The following EPHB1 variants were observed in gnomAD, a reference collection of about 807,000 sequenced individuals.
EPHB1 encodes the protein EPH receptor B1, also known as ephrin type-B receptor 1.
EPHB1 carries 30 observed loss-of-function variants against 94.4 expected under a neutral mutation model. The observed-to-expected ratio is 0.32, with a 90% CI of 0.24 to 0.43. The LOEUF (loss-of-function observed/expected upper bound fraction) is 0.43, where lower values mean the gene tolerates loss of function less well. Among genes scored for constraint, EPHB1 ranks in the 20% least tolerant of loss-of-function variants. The pLI is 1.00. For missense variants in EPHB1, 1,055 were observed against 1,308.3 expected, an observed-to-expected ratio of 0.81 and a Z score of 2.99; for synonymous variants, 522 against 489.1, an observed-to-expected ratio of 1.07 and a Z score of -0.89.
At chr3:134,956,419 T>A (rs1356488534) in intron 3 of EPHB1, among the ~76,000 whole-genome samples, 2 of 152,086 alleles carry the variant, frequency 1.3e-5, no homozygotes, top group Non-Finnish European at 2.9e-5. Flanking sequence ...AAAATGACAA[T>A]GCTATGCATA....
chr3:134,847,755 A>G (rs1465238997), intron 1 of EPHB1, among the ~76,000 whole-genome samples: 2 of 152,200 alleles, frequency 1.3e-5, no homozygotes, highest in Non-Finnish European at 2.9e-5. Context: ...CAGAGCAGAA[A>G]TCGCATATGT....
At chr3:135,018,729 A>T (rs1935888880) in intron 3 of EPHB1, among the ~76,000 whole-genome samples, 1 of 152,202 alleles carries the variant, frequency 6.6e-6, no homozygotes, top group African/African-American at 2.4e-5. Context: ...GCAGGACACA[A>T]ACAGTGTCTC....
At chr3:134,800,125 C>A (rs907242111) in intron 1 of EPHB1, among the ~76,000 whole-genome samples, 7 of 152,034 alleles carry the variant, frequency 4.6e-5, no homozygotes, top group Non-Finnish European at 1.5e-5. Flanking sequence ...GAGTACTCCA[C>A]CTGCCTTTTC....
In EPHB1 at chr3:134,826,251, C is replaced by CAA. The variant is rs34084951; in HGVS notation, c.58+30577_58+30578dup. Among the ~76,000 whole-genome samples the CAA allele has an allele frequency of 3.1e-3, 364 of 119,008 alleles. 8 individuals carry two copies. Among genetic ancestry groups the CAA allele is most frequent in the African/African-American group, 0.011 (308 of 28,768 alleles). The allele number at this position is 119,008 out of a possible 152,430, so 78.1% of individuals were successfully genotyped here. On this transcript the variant is annotated intron_variant, in intron 1 of 15. Transcript: ENST00000398015. ...TGGATGACAGAGTGAGACTCCATCT[C>CAA]AAAAAAAAAAAAAAAAGCAATTGAA... is the stretch of plus-strand genomic sequence containing the variant.
intron 3 of EPHB1, among the ~76,000 whole-genome samples, chr3:135,001,036 G>A (rs113805007): frequency 1.1e-4 from 17 of 152,120 alleles, no homozygotes; most frequent in African/African-American, 3.6e-4. Context: ...CAGCTGGCTC[G>A]GAGCAGACAC....
intron 10 of EPHB1, among the ~76,000 whole-genome samples, chr3:135,188,002 C>G (rs1942370568): frequency 6.6e-6 from 1 of 151,974 alleles, no homozygotes; most frequent in Non-Finnish European, 1.5e-5. Flanking sequence ...AGTTCGAGAC[C>G]AGCCTGGCCA....
At chr3:135,218,583 C>T (rs1047589181) in intron 12 of EPHB1, among the ~76,000 whole-genome samples, 1 of 152,190 alleles carries the variant, frequency 6.6e-6, no homozygotes, top group African/African-American at 2.4e-5. Context: ...TATGCAAAGC[C>T]CTCTTCCTCA....
At chr3:135,096,956 T>A (rs1938804519) in intron 3 of EPHB1, among the ~76,000 whole-genome samples, 1 of 151,892 alleles carries the variant, frequency 6.6e-6, no homozygotes, top group African/African-American at 2.4e-5. Context: ...GTTAGCCAGG[T>A]GTGGTGACAC....
intron 3 of EPHB1, among the ~76,000 whole-genome samples, chr3:135,093,360 G>A (rs766131773): frequency 1.3e-5 from 2 of 152,104 alleles, no homozygotes. Flanking sequence ...CTCACTTCTC[G>A]CCTTCTTGCC....
At chr3:135,109,462 T>G (rs1016352537) in intron 4 of EPHB1, among the ~76,000 whole-genome samples, 1 of 152,234 alleles carries the variant, frequency 6.6e-6, no homozygotes, top group Non-Finnish European at 1.5e-5. Flanking sequence ...GCCTGGTTCA[T>G]AGTAAACTCT....
At chr3:134,915,225 C>A (rs535065321) in intron 1 of EPHB1, among the ~76,000 whole-genome samples, 2 of 152,098 alleles carry the variant, frequency 1.3e-5, no homozygotes, top group South Asian at 4.1e-4. Flanking sequence ...CACAATGCAG[C>A]CTTATTTGGA....
chr3:135,190,215 A>G (rs1394000381), intron 10 of EPHB1, among the ~76,000 whole-genome samples: 2 of 152,236 alleles, frequency 1.3e-5, no homozygotes, highest in African/African-American at 4.8e-5. Context: ...TGTTGTGAAG[A>G]TTGAATAAGT....
chr3:135,104,566 G>A (rs561950148), intron 3 of EPHB1, among the ~76,000 whole-genome samples: 3 of 152,146 alleles, frequency 2.0e-5, no homozygotes, highest in Admixed American at 6.5e-5. Flanking sequence ...TGTCTTCCCC[G>A]ATCCCAGGGG....
chr3:135,150,726 A>G (rs1230602452), intron 5 of EPHB1, among the ~76,000 whole-genome samples: 7 of 151,820 alleles, frequency 4.6e-5, no homozygotes, highest in African/African-American at 1.5e-4. Context: ...TTTTCTATCT[A>G]TTGATTCTCT....
At chr3:134,950,067 A>C (rs915928085) in intron 2 of EPHB1, among the ~76,000 whole-genome samples, 2 of 152,234 alleles carry the variant, frequency 1.3e-5, no homozygotes, top group African/African-American at 2.4e-5. Context: ...TCTTTTAGCC[A>C]TATAAGCATG....
At chr3:135,022,124 C>T (rs781502009) in intron 3 of EPHB1, among the ~76,000 whole-genome samples, 7 of 152,220 alleles carry the variant, frequency 4.6e-5, no homozygotes, top group Admixed American at 6.5e-5. Flanking sequence ...GGACTACAGG[C>T]GCCCGCCACC....
intron 1 of EPHB1, among the ~76,000 whole-genome samples, chr3:134,914,439 T>C (rs1157939054): frequency 6.6e-6 from 1 of 152,188 alleles, no homozygotes; most frequent in East Asian, 1.9e-4. Context: ...AGTAATTTGC[T>C]GAAGGTCTCA....
intron 3 of EPHB1, among the ~76,000 whole-genome samples, chr3:135,031,212 T>G (rs923057545): frequency 6.6e-6 from 1 of 152,230 alleles, no homozygotes; most frequent in African/African-American, 2.4e-5. Context: ...AGCTGTAGAC[T>G]GGAGCTGTTC....
At chr3:135,051,714 A>T (rs1035393323) in intron 3 of EPHB1, among the ~76,000 whole-genome samples, 2 of 152,142 alleles carry the variant, frequency 1.3e-5, no homozygotes, top group African/African-American at 4.8e-5. Context: ...ATTGCTATTT[A>T]TTTACTTGAC....
Sources: gnomAD v4.1 joint callset for allele counts (sites outside exome capture counted in the v4.1 genomes callset) on GRCh38, gnomAD v4.1.1 for gene constraint, MANE v1.5 for transcripts, NCBI Gene and HGNC (gene_info 2026-07-23, HGNC 2026-07-21) for gene names.